Variants in TRAPPC9 observed in about 807,000 individuals in gnomAD.
TRAPPC9 encodes the protein IKK2 binding protein.
A neutral mutation model predicts 124.0 loss-of-function variants in TRAPPC9; 83 were observed. The observed-to-expected ratio is 0.67, with a 90% CI of 0.56 to 0.80. The LOEUF is 0.80. Ranked by LOEUF, TRAPPC9 falls within the 30% of genes least tolerant of loss-of-function variation. The pLI is 0.00. For synonymous variants in TRAPPC9, 638 were observed against 617.5 expected (o/e 1.03, Z -0.49); for missense variants, 1,302 against 1,508.3 (o/e 0.86, Z 2.27).
chr8:140,326,965 A>T (rs1206192069), intron 9 of TRAPPC9, among the ~76,000 whole-genome samples: 1 of 152,096 alleles, frequency 6.6e-6, no homozygotes, highest in African/African-American at 2.4e-5. Context: ...AAAAACAATC[A>T]TCCAGGCCGG....
At chr8:140,382,547 G>A (rs573522150) in intron 7 of TRAPPC9, among the ~76,000 whole-genome samples, 8 of 152,312 alleles carry the variant, frequency 5.3e-5, no homozygotes, top group South Asian at 2.1e-4. Flanking sequence ...CCACGCCCAC[G>A]GAGCCTCGCT....
At chr8:140,167,549 T>C (rs771419100) in intron 17 of TRAPPC9, among the ~76,000 whole-genome samples, 3 of 152,198 alleles carry the variant, frequency 2.0e-5, no homozygotes, top group Admixed American at 1.3e-4. Flanking sequence ...GCAGCTGGAA[T>C]GACTCTCAAG....
chr8:139,980,787 G>A (rs1003331595), intron 19 of TRAPPC9, among the ~76,000 whole-genome samples: 1 of 152,176 alleles, frequency 6.6e-6, no homozygotes, highest in African/African-American at 2.4e-5. Flanking sequence ...GGACAGCTGG[G>A]GACAGGTCTG....
intron 16 of TRAPPC9, among the ~76,000 whole-genome samples, chr8:140,242,640 C>T (rs140855700): frequency 8.6e-4 from 131 of 152,220 alleles, no homozygotes; most frequent in Non-Finnish European, 1.4e-3. Flanking sequence ...AATTCAAGAC[C>T]GGAAATAGAC....
intron 17 of TRAPPC9, among the ~76,000 whole-genome samples, chr8:140,149,213 G>A (rs2061504718): frequency 6.6e-6 from 1 of 152,130 alleles, no homozygotes; most frequent in South Asian, 2.1e-4. Context: ...AAGGACTAAT[G>A]AGTCCCAACA....
At position 140,104,924 on chromosome 8, in the gene TRAPPC9, GC is replaced by G. The variant is rs2060637633; in HGVS notation, c.2557-80846del. Among the ~76,000 whole-genome samples the G allele has an allele frequency of 6.6e-6, 1 of 152,180 alleles. No homozygotes were observed. Among genetic ancestry groups the G allele is most frequent in the African/African-American group, 2.4e-5 (1 of 41,426 alleles). ...CCCTGAGTTGACTCTGCCTCCGCTTGCCCCCTGGGCCTGTCATCCATGCTGC... is the reference window on the plus strand; with the variant it reads ...CCCTGAGTTGACTCTGCCTCCGCTTGCCCCTGGGCCTGTCATCCATGCTGC... On this transcript the variant is annotated intron_variant, in intron 17 of 22. Transcript: ENST00000438773. The surrounding 1 kb of genome is among the most constrained non-coding windows in gnomAD (Gnocchi z 4.0).
intron 9 of TRAPPC9, among the ~76,000 whole-genome samples, chr8:140,346,659 G>A (rs1195876307): frequency 6.6e-6 from 1 of 152,192 alleles, no homozygotes; most frequent in South Asian, 2.1e-4. Flanking sequence ...GGAAGAGGGA[G>A]GAGGAGAATT....
intron 9 of TRAPPC9, among the ~76,000 whole-genome samples, chr8:140,355,896 T>C (rs1161761769): frequency 6.6e-6 from 1 of 152,236 alleles, no homozygotes; most frequent in Non-Finnish European, 1.5e-5. Flanking sequence ...AAATATAGCA[T>C]ACAGATCACC....
At chr8:140,162,908 C>T (rs2061775159) in intron 17 of TRAPPC9, among the ~76,000 whole-genome samples, 1 of 152,086 alleles carries the variant, frequency 6.6e-6, no homozygotes, top group African/African-American at 2.4e-5. Context: ...GGGAGGATTG[C>T]TTGAGCCCAG....
At chr8:140,188,219 C>A (rs753235008) in intron 17 of TRAPPC9, among the ~76,000 whole-genome samples, 6 of 152,280 alleles carry the variant, frequency 3.9e-5, no homozygotes, top group South Asian at 4.1e-4. Flanking sequence ...AGTGTCACTG[C>A]CTTCAGGGAT....
intron 19 of TRAPPC9, among the ~76,000 whole-genome samples, chr8:139,968,495 C>A (rs961237781): frequency 3.3e-5 from 5 of 152,220 alleles, no homozygotes; most frequent in South Asian, 2.1e-4. Context: ...TGGGCCAGAC[C>A]AGCCTGGGCT....
chr8:140,072,609 AGGAG>A (rs1843249871), intron 17 of TRAPPC9, among the ~76,000 whole-genome samples: 1 of 141,646 alleles, frequency 7.1e-6, no homozygotes, highest in African/African-American at 2.6e-5. Context: ...GAGGAGGAGG[AGGAG>A]GAGGAGGAGG....
At chr8:139,861,535 G>A (rs1828156966) in intron 21 of TRAPPC9, among the ~76,000 whole-genome samples, 1 of 152,164 alleles carries the variant, frequency 6.6e-6, no homozygotes, top group Non-Finnish European at 1.5e-5. Context: ...GAAGCAAGGG[G>A]GCGAAGAGAA....
At chr8:139,807,757 A>G (rs139243693) in intron 21 of TRAPPC9, among the ~76,000 whole-genome samples, 1 of 152,308 alleles carries the variant, frequency 6.6e-6, no homozygotes, top group African/African-American at 2.4e-5. Flanking sequence ...AATAGCCTTC[A>G]AGGAAAACCA....
intron 17 of TRAPPC9, among the ~76,000 whole-genome samples, chr8:140,129,239 T>C (rs2061157007): frequency 6.6e-6 from 1 of 151,992 alleles, no homozygotes; most frequent in African/African-American, 2.4e-5. Context: ...CAGGCAGGTA[T>C]CCGTGAGGAG....
chr8:139,909,826 C>T (rs1026959910), intron 20 of TRAPPC9, among the ~76,000 whole-genome samples: 2 of 152,208 alleles, frequency 1.3e-5, no homozygotes, highest in Non-Finnish European at 2.9e-5. Context: ...CCCCCTGAGC[C>T]CGGCACTGAT....
intron 7 of TRAPPC9, among the ~76,000 whole-genome samples, chr8:140,382,876 G>A (rs570554382): frequency 5.6e-4 from 85 of 152,202 alleles, no homozygotes; most frequent in African/African-American, 2.0e-3. Context: ...GTGGGTCCCT[G>A]ACCCCCAAGT....
intron 7 of TRAPPC9, among the ~76,000 whole-genome samples, chr8:140,381,667 CAAAAAAA>C (rs56659960): frequency 2.1e-5 from 1 of 48,414 alleles, no homozygotes; most frequent in Non-Finnish European, 3.7e-5. Flanking sequence ...GACTCTGTCT[CAAAAAAA>C]AAAAAAAAAA....
In TRAPPC9 at chr8:140,325,939, CA is replaced by C. The variant is rs1382412840; in HGVS notation, c.1496-14566del. Reference sequence around the variant, plus strand: ...ACCATGAGTTCTCAGCTGGCACCCCCAAAGCACTATACAATAAGAGTACACC... The same window carrying C: ...ACCATGAGTTCTCAGCTGGCACCCCCAAGCACTATACAATAAGAGTACACC... On this transcript the variant is annotated intron_variant, in intron 9 of 22. Transcript: ENST00000438773. 2.6e-5 allele frequency among the ~76,000 whole-genome samples: 4 copies of C among 152,116 alleles called. 1 individual carries two copies. The highest frequency in any genetic ancestry group is 2.1e-4 in the South Asian group (1 of 4,824).
Sources: gnomAD v4.1 joint callset for allele counts (sites outside exome capture counted in the v4.1 genomes callset) on GRCh38, gnomAD v4.1.1 for gene constraint, Gnocchi (gnomAD v3.1) non-coding constraint, MANE v1.5 for transcripts, NCBI Gene and HGNC (gene_info 2026-07-23, HGNC 2026-07-21) for gene names.